RPAP2: variants seen among roughly 807,000 people sequenced by gnomAD.
RPAP2 encodes the protein RNA polymerase II associated protein 2, also known as putative RNA polymerase II subunit B1 CTD phosphatase RPAP2.
RPAP2 carries 52 observed loss-of-function variants against 73.1 expected under a neutral mutation model. That is an observed-to-expected ratio of 0.71 (90% confidence interval 0.57 to 0.90). The LOEUF (loss-of-function observed/expected upper bound fraction) is 0.90, where lower values mean the gene tolerates loss of function less well. Ranked by LOEUF, RPAP2 falls within the 40% of genes least tolerant of loss-of-function variation. The pLI is 0.00. For missense variants in RPAP2, 598 were observed against 701.8 expected, an observed-to-expected ratio of 0.85 and a Z score of 1.67; for synonymous variants, 225 against 242.1, an observed-to-expected ratio of 0.93 and a Z score of 0.65.
intron 7 of RPAP2, among the ~76,000 whole-genome samples, chr1:92,321,044 A>G (rs1406049500): frequency 1.3e-5 from 2 of 152,230 alleles, no homozygotes; most frequent in African/African-American, 4.8e-5. Flanking sequence ...GCATTAATAT[A>G]AATTCCAAGT....
intron 11 of RPAP2, among the ~76,000 whole-genome samples, 197 bp downstream of exon 11, chr1:92,346,111 A>ATCTTTTCT (rs2101308321): frequency 6.6e-6 from 1 of 151,408 alleles, no homozygotes; most frequent in African/African-American, 2.4e-5. Flanking sequence ...ATTTTTTACC[A>ATCTTTTCT]TCTTTTCTTC....
intron 6 of RPAP2, among the ~76,000 whole-genome samples, chr1:92,318,176 C>T (rs972716348): frequency 2.6e-5 from 4 of 152,194 alleles, no homozygotes; most frequent in African/African-American, 4.8e-5. Context: ...CTGGCATGTC[C>T]ACCTTCCCAA....
At chr1:92,317,422 C>T (rs945558977) in intron 6 of RPAP2, among the ~76,000 whole-genome samples, 41 of 151,948 alleles carry the variant, frequency 2.7e-4, no homozygotes, top group African/African-American at 9.4e-4. Context: ...GCAGGACAAT[C>T]GCTTCAACCT....
At chr1:92,355,776 G>T (rs1261701474) in intron 11 of RPAP2, among the ~76,000 whole-genome samples, 2 of 152,166 alleles carry the variant, frequency 1.3e-5, no homozygotes, top group East Asian at 3.9e-4. Context: ...ACTCATTGGA[G>T]TGTTTCAGAT....
rs1406904316 is a variant in RPAP2 at position 92,398,383 on chromosome 1, G to A, written c.*11372G>A. 6.6e-6 allele frequency: 1 copy of A among 152,008 alleles called. No individual in the cohort carries two copies. The highest frequency in any genetic ancestry group is 1.9e-4 in the East Asian group (1 of 5,192). The allele number at this position is 152,008 out of a possible 1,614,324, so 9.4% of individuals were successfully genotyped here. The stretch of plus-strand genomic sequence containing the variant: ...ACCTGGCCAGTGGAGTCTTTTTAAG[G>A]TATTATTTAGCATCTTCTGCTTATA... On this transcript the variant is annotated 3_prime_UTR_variant, in exon 13 of 13. Coordinates refer to ENST00000610020, the MANE Select transcript of RPAP2 (RefSeq NM_024813.3).
intron 9 of RPAP2, among the ~76,000 whole-genome samples, chr1:92,335,878 T>A (rs2101243579): frequency 6.6e-6 from 1 of 152,308 alleles, no homozygotes; most frequent in East Asian, 1.9e-4. Context: ...ATTAAATTTT[T>A]TTCATAGTAA....
At position 92,313,314 on chromosome 1, in the gene RPAP2, T is replaced by A. The variant is rs145970729; in HGVS notation, c.488+6038T>A. Among the ~76,000 whole-genome samples, 37 of 152,330 alleles carry A rather than the reference T, an allele frequency of 2.4e-4. 1 individual carries two copies. The highest frequency in any genetic ancestry group is 8.7e-4 in the African/African-American group (36 of 41,580). Reference sequence around the variant, plus strand: ...AAGACTTGAAAGTTGAAATTACTCCTTGACCCATGGGCTGCAGAATGGATA... The same window carrying A: ...AAGACTTGAAAGTTGAAATTACTCCATGACCCATGGGCTGCAGAATGGATA... On this transcript the variant is annotated intron_variant, in intron 6 of 12. Transcript: ENST00000610020.
At chr1:92,386,128 CCA>C (rs1449860782) in intron 12 of RPAP2, among the ~76,000 whole-genome samples, 1 of 152,176 alleles carries the variant, frequency 6.6e-6, no homozygotes, top group Non-Finnish European at 1.5e-5. Flanking sequence ...ATGATGGAAG[CCA>C]CAGTCTTTTT....
chr1:92,300,036 C>G (rs1368498828), intron 1 of RPAP2, among the ~76,000 whole-genome samples, 158 bp from the exon 2 acceptor site: 1 of 152,202 alleles, frequency 6.6e-6, no homozygotes, highest in Non-Finnish European at 1.5e-5. Flanking sequence ...ACCTGCACAG[C>G]ATGTTACTGT....
chr1:92,306,251 C>A (rs1024992472), intron 5 of RPAP2, among the ~76,000 whole-genome samples: 1 of 152,040 alleles, frequency 6.6e-6, no homozygotes, highest in Non-Finnish European at 1.5e-5. Flanking sequence ...GGTTTCAGTT[C>A]TGTAAGATAA....
intron 11 of RPAP2, among the ~76,000 whole-genome samples, chr1:92,352,944 A>G (rs1483216023): frequency 6.6e-6 from 1 of 152,212 alleles, no homozygotes; most frequent in African/African-American, 2.4e-5. Flanking sequence ...CATAAATGGA[A>G]TCATATGTGA....
chr1:92,395,726 G>GT lies in RPAP2; in HGVS notation c.*8716dup, dbSNP rs1246617502. 6.6e-6 allele frequency: 1 copy of GT among 151,632 alleles called. No homozygotes were observed. The highest frequency in any genetic ancestry group is 2.4e-5 in the African/African-American group (1 of 41,318). 9.4% of individuals were successfully genotyped at this position (151,632 alleles called of 1,614,324 possible). On this transcript the variant is annotated 3_prime_UTR_variant, in exon 13 of 13. Coordinates refer to ENST00000610020, the MANE Select transcript of RPAP2 (RefSeq NM_024813.3). ...ATAATAAGTATCTGATAGAGGACTTGTATCTAGACTATGTAAAGAATTCTT... is the reference window on the plus strand; with the variant it reads ...ATAATAAGTATCTGATAGAGGACTTGTTATCTAGACTATGTAAAGAATTCTT...
intron 6 of RPAP2, among the ~76,000 whole-genome samples, chr1:92,310,189 A>G (rs774166648): frequency 6.6e-6 from 1 of 152,202 alleles, no homozygotes; most frequent in Admixed American, 6.5e-5. Context: ...GTGTATAACC[A>G]TATCAGTATC....
At chr1:92,306,314 C>G (rs1471059294) in intron 5 of RPAP2, among the ~76,000 whole-genome samples, 1 of 152,094 alleles carries the variant, frequency 6.6e-6, no homozygotes, top group Non-Finnish European at 1.5e-5. Context: ...TGTGAAGGTA[C>G]TTAATACCAC....
chr1:92,345,408 G>C (rs759779448), intron 10 of RPAP2, among the ~76,000 whole-genome samples: 1 of 127,330 alleles, frequency 7.9e-6, no homozygotes, highest in Non-Finnish European at 1.6e-5. Flanking sequence ...AAAAGAGAGA[G>C]AGAGAAGAAA....
rs972474381 is a variant in RPAP2, at chr1:92,399,411, A to C, written c.*12400A>C. 7.8e-6 allele frequency: 1 copy of C among 128,258 alleles called. No homozygotes were observed. The highest frequency in any genetic ancestry group is 3.3e-5 in the African/African-American group (1 of 30,280). The allele number at this position is 128,258 out of a possible 1,614,324, so 7.9% of individuals were successfully genotyped here. A position where few individuals can be genotyped will look rare whatever the true frequency, so the allele number is the denominator to read the frequency against. On this transcript the variant is annotated 3_prime_UTR_variant, in exon 13 of 13. Transcript: ENST00000610020. ...GGTGACCCTTCACCCAACCAAGCTC[A>C]TAAGGACTTGTGACAAAAATAAGAG...
At chr1:92,320,741 T>G (rs924738126) in intron 7 of RPAP2, 107 bp downstream of exon 7, 27 of 772,272 alleles carry the variant, frequency 3.5e-5, no homozygotes, top group African/African-American at 8.6e-5. Context: ...TGATGCATTA[T>G]GTAAGTGTCC....
chr1:92,374,191 CA>C (rs1655294538), intron 11 of RPAP2, among the ~76,000 whole-genome samples: 1 of 152,044 alleles, frequency 6.6e-6, no homozygotes, highest in Non-Finnish European at 1.5e-5. Context: ...TATAAAGAAT[CA>C]GGGGTAGGAG....
chr1:92,322,380 A>C (rs1459220333), intron 7 of RPAP2, among the ~76,000 whole-genome samples: 1 of 151,592 alleles, frequency 6.6e-6, no homozygotes, highest in Non-Finnish European at 1.5e-5. Flanking sequence ...CCCCATCTCT[A>C]CTAAAATACA....
Sources: allele counts gnomAD v4.1 joint callset (sites outside exome capture counted in the v4.1 genomes callset), GRCh38; gene constraint gnomAD v4.1.1; transcripts MANE v1.5; gene names NCBI Gene and HGNC (gene_info 2026-07-23, HGNC 2026-07-21).